Variants in PDZRN3 observed in about 807,000 individuals in gnomAD.
PDZRN3 encodes PDZ domain containing ring finger 3.
In PDZRN3, 38 loss-of-function variants were observed where a neutral mutation model predicts 85.7. The ratio of observed to expected loss-of-function variants is 0.44; its 90% confidence interval spans 0.34 to 0.58. The LOEUF (loss-of-function observed/expected upper bound fraction) is 0.58, where lower values mean the gene tolerates loss of function less well. Ranked by LOEUF, PDZRN3 falls within the 20% of genes least tolerant of loss-of-function variation. PDZRN3 has a pLI of 0.01. For missense variants in PDZRN3, 1,629 were observed against 1,506.4 expected (o/e 1.08, Z -1.35); for synonymous variants, 759 against 638.0 (o/e 1.19, Z -2.86).
intron 3 of PDZRN3, among the ~76,000 whole-genome samples, chr3:73,565,117 ATT>A (rs202184460): frequency 0.029 from 3,955 of 134,994 alleles, 18 homozygotes; most frequent in African/African-American, 0.048. Flanking sequence ...ATATCCACCA[ATT>A]TTTTTTTTTT....
At position 73,385,658 on chromosome 3, in the gene PDZRN3, G is replaced by A. The variant is rs115349908; in HGVS notation, c.1635+11C>T. 164 of 1,522,674 alleles carry A rather than the reference G, an allele frequency of 1.1e-4. No homozygotes were observed. The African/African-American group carries it at 1.6e-3, about 14-fold the overall frequency. 94.3% of individuals were successfully genotyped at this position (1,522,674 alleles called of 1,614,324 possible). A position where few individuals can be genotyped will look rare whatever the true frequency, so the allele number is the denominator to read the frequency against. ...AGGGCAGAGTGTCAGGGACTGGTGC[G>A]TGGGCGTTACCTGCTGCAGCACGCT... On this transcript the variant is annotated intron_variant, in intron 9 of 9. Coordinates refer to ENST00000263666, the MANE Select transcript of PDZRN3 (RefSeq NM_015009.3).
chr3:73,429,174 G>A (rs73096413), intron 3 of PDZRN3, among the ~76,000 whole-genome samples: 15,972 of 152,118 alleles, frequency 0.1, 1,145 homozygotes, highest in African/African-American at 0.21. Flanking sequence ...GCCTCCCAAA[G>A]TGCTGGGATT....
intron 3 of PDZRN3, among the ~76,000 whole-genome samples, chr3:73,600,337 A>ACACACACACACACACTCTCT (rs34405662): frequency 2.0e-5 from 2 of 100,052 alleles, no homozygotes; most frequent in African/African-American, 8.6e-5. Flanking sequence ...ACACACACAC[A>ACACACACACACACACTCTCT]CTCTCTCTCT....
chr3:73,587,319 A>G (rs957190002), intron 3 of PDZRN3, among the ~76,000 whole-genome samples: 3 of 152,164 alleles, frequency 2.0e-5, no homozygotes, highest in African/African-American at 7.2e-5. Context: ...TACATTTGTG[A>G]GTGCTGCACT....
chr3:73,388,083 A>AACCC lies in PDZRN3; in HGVS notation c.1417-15_1417-14insGGGT. Reference sequence around the variant, plus strand: ...TATCCCATTAATCTTTTAAAAAAAAAGGGGGGGTGGGGAGAGTGGGGAGAC... The same window carrying AACCC: ...TATCCCATTAATCTTTTAAAAAAAAAACCCGGGGGGGTGGGGAGAGTGGGGAGAC... On this transcript the variant is annotated splice_polypyrimidine_tract_variant and intron_variant, in intron 7 of 9. Transcript: ENST00000263666. 1.1e-6 allele frequency: 1 copy of AACCC among 908,130 alleles called. No homozygotes were observed. The highest frequency in any genetic ancestry group is 2.7e-5 in the East Asian group (1 of 36,364). 56.3% of individuals were successfully genotyped at this position (908,130 alleles called of 1,614,324 possible). A position where few individuals can be genotyped will look rare whatever the true frequency, so the allele number is the denominator to read the frequency against.
chr3:73,463,903 A>G (rs1318128212), intron 3 of PDZRN3, among the ~76,000 whole-genome samples: 2 of 152,198 alleles, frequency 1.3e-5, no homozygotes, highest in African/African-American at 4.8e-5. Context: ...ATGTTTACCT[A>G]TGTAACAAAC....
chr3:73,518,788 A>T (rs1161887996), intron 3 of PDZRN3, among the ~76,000 whole-genome samples: 1 of 152,104 alleles, frequency 6.6e-6, no homozygotes, highest in Non-Finnish European at 1.5e-5. Context: ...CCTCCTTTAT[A>T]ATCACTAATC....
Position 73,383,409 on chromosome 3 carries a change from C to T in PDZRN3, c.3157G>A (p.Gly1053Ser), listed in dbSNP as rs750779059. Residue 1053 changes from glycine (G) to serine (S), a missense_variant, in exon 10 of 10, where the codon GGC becomes AGC. Physicochemically the swap from Gly to Ser is moderately conservative, Grantham distance 56. Coordinates refer to ENST00000263666, the MANE Select transcript of PDZRN3 (RefSeq NM_015009.3). ...AGGAAGGAATTGTATACTCTAGTGC[C>T]GTCCGGGGATTTTGTGCCGTGGGTT... ...LLTHGTKSPDGTRVYNSFLSV... is the reference protein window; with the variant it reads ...LLTHGTKSPDSTRVYNSFLSV... The T allele has an allele frequency of 4.3e-6, 7 of 1,613,656 alleles. No homozygotes were observed. The highest frequency in any genetic ancestry group is 4.2e-6 in the Non-Finnish European group (5 of 1,179,800).
At position 73,452,878 on chromosome 3, in the gene PDZRN3, A is replaced by C. The variant is rs1441879236; in HGVS notation, c.919-48483T>G. Reference sequence around the variant, plus strand: ...GTGTGTGTGTGTGTGTGTGTGTTTTAAGTCCATGCAGTTGTCTTTAACTTG... The same window carrying C: ...GTGTGTGTGTGTGTGTGTGTGTTTTCAGTCCATGCAGTTGTCTTTAACTTG... On this transcript the variant is annotated intron_variant, in intron 3 of 9. Coordinates refer to ENST00000263666, the MANE Select transcript of PDZRN3 (RefSeq NM_015009.3). 1.7e-4 allele frequency among the ~76,000 whole-genome samples: 5 copies of C among 29,862 alleles called. No homozygotes were observed. The East Asian group carries it at 6.7e-3, about 40-fold the overall frequency. 19.6% of individuals were successfully genotyped at this position (29,862 alleles called of 152,430 possible).
chr3:73,520,291 T>C (rs1207836572), intron 3 of PDZRN3, among the ~76,000 whole-genome samples: 1 of 152,018 alleles, frequency 6.6e-6, no homozygotes, highest in Non-Finnish European at 1.5e-5. Context: ...GGCTGTTTGA[T>C]CCCAGAAGTT....
intron 9 of PDZRN3, among the ~76,000 whole-genome samples, chr3:73,385,405 C>T (rs534725416): frequency 6.6e-5 from 10 of 152,324 alleles, no homozygotes; most frequent in East Asian, 1.9e-4. Context: ...GTAATGCCAA[C>T]GCATATGTTT....
chr3:73,383,427 C>A lies in PDZRN3; in HGVS notation c.3139G>T (p.Gly1047Cys). Residue 1047 changes from glycine (G) to cysteine (C), a missense_variant, in exon 10 of 10, where the codon GGC becomes TGC. Coordinates refer to ENST00000263666, the MANE Select transcript of PDZRN3 (RefSeq NM_015009.3). ...CTAGTGCCGTCCGGGGATTTTGTGC[C>A]GTGGGTTAAGAGTTCTTGGATCGTC... The part of the protein sequence containing the change: ...WMTIQELLTH[G>C]TKSPDGTRVY... The A allele has an allele frequency of 1.2e-6, 2 of 1,613,992 alleles. No individual in the cohort carries two copies.
intron 3 of PDZRN3, among the ~76,000 whole-genome samples, chr3:73,588,719 T>C (rs1331671019): frequency 6.6e-6 from 1 of 152,242 alleles, no homozygotes; most frequent in Non-Finnish European, 1.5e-5. Context: ...ACAATGACTT[T>C]CCATTTACAG....
At chr3:73,500,913 T>C (rs1334102181) in intron 3 of PDZRN3, among the ~76,000 whole-genome samples, 1 of 152,188 alleles carries the variant, frequency 6.6e-6, no homozygotes, top group Non-Finnish European at 1.5e-5. Flanking sequence ...TTGAGCTATA[T>C]CATTTCTTTT....
intron 3 of PDZRN3, chr3:73,569,665 C>G: frequency 1.3e-6 from 1 of 748,730 alleles, no homozygotes; most frequent in Non-Finnish European, 1.6e-6. Context: ...CCTTTCTCTT[C>G]CTCCCTAGTG....
chr3:73,611,486 T>C (rs1159835354), intron 1 of PDZRN3, among the ~76,000 whole-genome samples: 1 of 152,218 alleles, frequency 6.6e-6, no homozygotes, highest in Non-Finnish European at 1.5e-5. Flanking sequence ...GTGTTCTTAT[T>C]TTCTATAAGC....
intron 8 of PDZRN3, 65 bp from the exon 9 acceptor site, chr3:73,385,850 A>T (rs1701369408): frequency 2.1e-6 from 2 of 949,234 alleles, no homozygotes; most frequent in Non-Finnish European, 3.4e-6. Context: ...ATGTTTTTTT[A>T]AAAATGACAT....
At chr3:73,511,648 A>T (rs1704166984) in intron 3 of PDZRN3, among the ~76,000 whole-genome samples, 2 of 152,254 alleles carry the variant, frequency 1.3e-5, no homozygotes, top group Admixed American at 1.3e-4. Flanking sequence ...ACTGCCCTAA[A>T]GTACCGTCCA....
intron 3 of PDZRN3, among the ~76,000 whole-genome samples, chr3:73,467,927 G>A (rs956542953): frequency 6.6e-6 from 1 of 152,140 alleles, no homozygotes; most frequent in Non-Finnish European, 1.5e-5. Flanking sequence ...GTCGAATGGA[G>A]GCTGCCAGGG....
Sources: allele counts gnomAD v4.1 joint callset (sites outside exome capture counted in the v4.1 genomes callset), GRCh38; gene constraint gnomAD v4.1.1; transcripts MANE v1.5; gene names NCBI Gene and HGNC (gene_info 2026-07-23, HGNC 2026-07-21).